PTPRG: variants seen among roughly 807,000 people sequenced by gnomAD.
PTPRG encodes receptor-type tyrosine-protein phosphatase gamma.
PTPRG carries 102 observed loss-of-function variants against 165.3 expected under a neutral mutation model. The ratio of observed to expected loss-of-function variants is 0.62; its 90% CI spans 0.53 to 0.73. The LOEUF (loss-of-function observed/expected upper bound fraction) is 0.73, where lower values mean the gene tolerates loss of function less well. Among genes scored for constraint, PTPRG ranks in the 30% least tolerant of loss-of-function variants. The pLI, the probability that PTPRG is intolerant of heterozygous loss-of-function variation, is 0.00. For synonymous variants in PTPRG, 675 were observed against 669.5 expected, an observed-to-expected ratio of 1.01 and a Z score of -0.13; for missense variants, 1,866 against 1,861.4, an observed-to-expected ratio of 1.00 and a Z score of -0.05.
chr3:62,007,927 C>T (rs757907451), intron 4 of PTPRG, among the ~76,000 whole-genome samples: 1 of 152,184 alleles, frequency 6.6e-6, no homozygotes, highest in East Asian at 1.9e-4. Context: ...GCTGTAAATA[C>T]GTTACTTTAT....
chr3:62,291,662 T>TC (rs1177101560), intron 28 of PTPRG, among the ~76,000 whole-genome samples: 1 of 152,168 alleles, frequency 6.6e-6, no homozygotes, highest in Non-Finnish European at 1.5e-5. Flanking sequence ...GCATCTGAAC[T>TC]CCAGTCTCAT....
intron 2 of PTPRG, among the ~76,000 whole-genome samples, chr3:61,761,926 G>A (rs2033850645): frequency 6.6e-6 from 1 of 152,108 alleles, no homozygotes; most frequent in South Asian, 2.1e-4. Context: ...AGTTCCAAAT[G>A]TTAGGCTGAT....
intron 2 of PTPRG, among the ~76,000 whole-genome samples, chr3:61,989,339 A>G (rs1010259311): frequency 2.0e-5 from 3 of 152,236 alleles, no homozygotes; most frequent in African/African-American, 7.2e-5. Flanking sequence ...ATTGTCAGAA[A>G]TATGGACAAC....
chr3:62,053,054 C>T (rs1470664677), intron 4 of PTPRG, among the ~76,000 whole-genome samples: 5 of 151,958 alleles, frequency 3.3e-5, no homozygotes, highest in Non-Finnish European at 7.4e-5. Context: ...TTTCCAGTTT[C>T]AATAGTGTTT....
intron 1 of PTPRG, among the ~76,000 whole-genome samples, chr3:61,738,929 T>C (rs1189644569): frequency 6.7e-6 from 1 of 150,196 alleles, no homozygotes; most frequent in African/African-American, 2.4e-5. Flanking sequence ...GCCTGGCTAA[T>C]TTTCATTTTT....
rs74938110 is a variant in PTPRG, at chr3:61,807,353, A to G, written c.190+58371A>G. Among the ~76,000 whole-genome samples, 529 of 152,294 alleles carry G rather than the reference A, an allele frequency of 3.5e-3. 4 individuals carry two copies. Among genetic ancestry groups the G allele is most frequent in the African/African-American group, 0.012 (501 of 41,560 alleles). On this transcript the variant is annotated intron_variant, in intron 2 of 29. Coordinates refer to ENST00000474889, the MANE Select transcript of PTPRG (RefSeq NM_002841.4). ...AGTTTAATTAAAGTTACTTGTCATT[A>G]CTCAAGTTTACATCCGGTCTGTCTC...
chr3:62,170,420 C>T (rs1338532858), intron 8 of PTPRG, among the ~76,000 whole-genome samples: 3 of 152,042 alleles, frequency 2.0e-5, no homozygotes, highest in African/African-American at 7.2e-5. Context: ...CTCAGAATTG[C>T]TGAGATGGTG....
intron 8 of PTPRG, among the ~76,000 whole-genome samples, chr3:62,176,938 A>G (rs930224556): frequency 6.6e-6 from 1 of 152,088 alleles, no homozygotes; most frequent in Non-Finnish European, 1.5e-5. Context: ...GCTCAAGCTA[A>G]TATCTAAGCT....
At position 61,680,501 on chromosome 3, in the gene PTPRG, G is replaced by GAAAA. The variant is rs34153657; in HGVS notation, c.86-68363_86-68360dup. On this transcript the variant is annotated intron_variant, in intron 1 of 29. Transcript: ENST00000474889. ...CATGTTGGCAATTATTCAGCTTTATGAAAAAAAAAAAAAAAAACACAAAAA... is the reference window on the plus strand; with the variant it reads ...CATGTTGGCAATTATTCAGCTTTATGAAAAAAAAAAAAAAAAAAAAACACAAAAA... 5.4e-4 allele frequency among the ~76,000 whole-genome samples: 46 copies of GAAAA among 85,198 alleles called. 1 individual carries two copies. Among genetic ancestry groups the GAAAA allele is most frequent in the East Asian group, 8.9e-4 (2 of 2,240 alleles). 55.9% of individuals were successfully genotyped at this position (85,198 alleles called of 152,430 possible).
In PTPRG at chr3:61,814,148, G is replaced by A. The variant is rs190392397; in HGVS notation, c.190+65166G>A. ...ACTCCTGACCTCAGGCAATCTGCCCGCCTCAGCCTCCCAAAGTGCTGGGAT... is the reference window on the plus strand; with the variant it reads ...ACTCCTGACCTCAGGCAATCTGCCCACCTCAGCCTCCCAAAGTGCTGGGAT... On this transcript the variant is annotated intron_variant, in intron 2 of 29. Transcript: ENST00000474889. 2.0e-5 allele frequency among the ~76,000 whole-genome samples: 3 copies of A among 152,234 alleles called. No homozygotes were observed. In the East Asian group the frequency reaches 5.8e-4, roughly 29 times the overall value.
chr3:61,981,242 T>A lies in PTPRG; in HGVS notation c.191-8383T>A, dbSNP rs145448758. Among the ~76,000 whole-genome samples the A allele has an allele frequency of 4.6e-5, 7 of 152,240 alleles. No individual in the cohort carries two copies. In the East Asian group the frequency reaches 9.7e-4, roughly 21 times the overall value. The stretch of plus-strand genomic sequence containing the variant: ...GGGAAACCGCCCATATGACTCACTT[T>A]CCTCCACCTAGTCGCTTCCATGACA... On this transcript the variant is annotated intron_variant, in intron 2 of 29. Transcript: ENST00000474889.
At chr3:61,673,135 C>G (rs1006617182) in intron 1 of PTPRG, among the ~76,000 whole-genome samples, 2 of 152,038 alleles carry the variant, frequency 1.3e-5, no homozygotes, top group African/African-American at 4.8e-5. Flanking sequence ...GCACTCCAGC[C>G]TAGGCAACAG....
intron 2 of PTPRG, among the ~76,000 whole-genome samples, chr3:61,799,603 T>C (rs1458363214): frequency 6.6e-6 from 1 of 152,212 alleles, no homozygotes; most frequent in African/African-American, 2.4e-5. Flanking sequence ...ATGGGGCTTA[T>C]AGGTTTTGGG....
chr3:61,642,462 G>C (rs1258700679), intron 1 of PTPRG, among the ~76,000 whole-genome samples: 1 of 152,176 alleles, frequency 6.6e-6, no homozygotes, highest in African/African-American at 2.4e-5. Flanking sequence ...AGCAACTGAA[G>C]AGTGATCTGG....
chr3:61,957,011 AT>A (rs1197194247), intron 2 of PTPRG, among the ~76,000 whole-genome samples: 2 of 152,206 alleles, frequency 1.3e-5, no homozygotes, highest in Non-Finnish European at 2.9e-5. Flanking sequence ...CCACATTAAT[AT>A]TAACTTGAAG....
intron 2 of PTPRG, among the ~76,000 whole-genome samples, chr3:61,959,968 T>C (rs1387598851): frequency 1.3e-5 from 2 of 152,196 alleles, no homozygotes; most frequent in East Asian, 1.9e-4. Context: ...CTGCAGCTTC[T>C]GTTCATGCTG....
intron 1 of PTPRG, among the ~76,000 whole-genome samples, chr3:61,701,590 TA>T (rs2030963570): frequency 2.6e-5 from 4 of 152,328 alleles, no homozygotes; most frequent in African/African-American, 7.2e-5. Flanking sequence ...ATTGTTATAA[TA>T]ATGATGGTGA....
intron 2 of PTPRG, among the ~76,000 whole-genome samples, chr3:61,931,660 A>T (rs1021998076): frequency 6.6e-6 from 1 of 152,180 alleles, no homozygotes; most frequent in Non-Finnish European, 1.5e-5. Context: ...ATCTAACATG[A>T]TCAAACGCAC....
chr3:61,897,188 TTCTC>T (rs1170209697), intron 2 of PTPRG, among the ~76,000 whole-genome samples: 1 of 152,150 alleles, frequency 6.6e-6, no homozygotes, highest in African/African-American at 2.4e-5. Context: ...GTTACCAAGA[TTCTC>T]TCCTATGTTT....
Sources: allele counts gnomAD v4.1 joint callset (sites outside exome capture counted in the v4.1 genomes callset), GRCh38; gene constraint gnomAD v4.1.1; transcripts MANE v1.5; gene names NCBI Gene and HGNC (gene_info 2026-07-23, HGNC 2026-07-21).